The following ARPC1A variants were observed in gnomAD, a reference collection of about 807,000 sequenced individuals.
ARPC1A encodes the protein actin related protein 2/3 complex subunit 1A.
In ARPC1A, 8 loss-of-function variants were observed where a neutral mutation model predicts 46.9. That is an observed-to-expected ratio of 0.17 (90% CI 0.10 to 0.31). ARPC1A has a LOEUF of 0.31. Among genes scored for constraint, ARPC1A ranks in the 10% least tolerant of loss-of-function variants. The pLI is 1.00. For synonymous variants in ARPC1A, 152 were observed against 169.0 expected (o/e 0.90, Z 0.78); for missense variants, 286 against 483.6 (o/e 0.59, Z 3.83).
intron 2 of ARPC1A, among the ~76,000 whole-genome samples, chr7:99,334,084 A>G (rs977896151): frequency 1.2e-4 from 18 of 148,658 alleles, no homozygotes; most frequent in East Asian, 1.2e-3. Context: ...CACAAGGCTG[A>G]GCATGGAGGC....
chr7:99,363,657 A>C (rs746817850), intron 9 of ARPC1A, 24 bp downstream of exon 9: 2 of 1,525,364 alleles, frequency 1.3e-6, no homozygotes, highest in African/African-American at 2.8e-5. Flanking sequence ...AACAGAACAA[A>C]TTTTGTTTGT....
At chr7:99,332,543 T>A (rs1462382061) in intron 1 of ARPC1A, among the ~76,000 whole-genome samples, 4 of 152,186 alleles carry the variant, frequency 2.6e-5, no homozygotes, top group African/African-American at 9.7e-5. Context: ...CAGAATAAAT[T>A]CCACATTAGT....
intron 3 of ARPC1A, among the ~76,000 whole-genome samples, chr7:99,341,770 C>T (rs898857371): frequency 5.9e-5 from 9 of 152,070 alleles, no homozygotes; most frequent in Non-Finnish European, 7.4e-5. Context: ...GTCCTTTGAA[C>T]TTGGGCCTGT....
chr7:99,358,237 A>G, intron 6 of ARPC1A, 103 bp from the exon 7 acceptor site: 1 of 1,129,504 alleles, frequency 8.9e-7, no homozygotes. Flanking sequence ...GCCCATTGAT[A>G]CTGCAGAAGC....
At chr7:99,340,438 C>G (rs933194147) in intron 3 of ARPC1A, among the ~76,000 whole-genome samples, 1 of 147,486 alleles carries the variant, frequency 6.8e-6, no homozygotes, top group Admixed American at 7.1e-5. Context: ...GTTGAGATTA[C>G]AGGTGTGACC....
At chr7:99,331,731 C>T (rs1793147495) in intron 1 of ARPC1A, among the ~76,000 whole-genome samples, 1 of 152,016 alleles carries the variant, frequency 6.6e-6, no homozygotes, top group African/African-American at 2.4e-5. Flanking sequence ...CCAGCCTGGC[C>T]AACATGGTGA....
intron 9 of ARPC1A, 106 bp downstream of exon 9, chr7:99,363,739 A>G: frequency 3.8e-6 from 3 of 799,044 alleles, no homozygotes; most frequent in Non-Finnish European, 5.8e-6. Context: ...AAGTGGCACA[A>G]TCATGGCTCA....
At chr7:99,332,388 CATG>C (rs1373823609) in intron 1 of ARPC1A, among the ~76,000 whole-genome samples, 1 of 152,184 alleles carries the variant, frequency 6.6e-6, no homozygotes, top group African/African-American at 2.4e-5. Flanking sequence ...CTATTTATAA[CATG>C]GTGATTACGT....
At chr7:99,349,879 C>T (rs1793520605) in intron 5 of ARPC1A, among the ~76,000 whole-genome samples, 1 of 151,718 alleles carries the variant, frequency 6.6e-6, no homozygotes, top group African/African-American at 2.4e-5. Flanking sequence ...GGTGTGGTCA[C>T]AAATGCCTGT....
intron 7 of ARPC1A, chr7:99,358,813 G>T: frequency 6.0e-6 from 1 of 165,874 alleles, no homozygotes; most frequent in Non-Finnish European, 1.3e-5. Context: ...GTGCGGGCAT[G>T]AGCCACCGTG....
chr7:99,335,170 A>G (rs1023964994), intron 2 of ARPC1A, among the ~76,000 whole-genome samples: 1 of 151,950 alleles, frequency 6.6e-6, no homozygotes, highest in African/African-American at 2.4e-5. Context: ...TTGTATTTTC[A>G]GTAGAGACAG....
chr7:99,357,298 A>G (rs1562802446), intron 6 of ARPC1A, among the ~76,000 whole-genome samples: 2 of 152,118 alleles, frequency 1.3e-5, no homozygotes, highest in Non-Finnish European at 2.9e-5. Flanking sequence ...AAGATGACAC[A>G]TTAGTTCTTC....
chr7:99,360,802 A>G (rs1793724918), intron 8 of ARPC1A, among the ~76,000 whole-genome samples: 1 of 151,914 alleles, frequency 6.6e-6, no homozygotes, highest in Non-Finnish European at 1.5e-5. Flanking sequence ...TTAGCTTGGC[A>G]TGGTGGTACA....
chr7:99,346,493 G>A (rs1793454473), intron 4 of ARPC1A, among the ~76,000 whole-genome samples: 1 of 152,150 alleles, frequency 6.6e-6, no homozygotes, highest in African/African-American at 2.4e-5. Flanking sequence ...TTAGTGTCAA[G>A]TATAGGTAAA....
At chr7:99,339,086 A>G (rs1793315462) in intron 3 of ARPC1A, among the ~76,000 whole-genome samples, 1 of 152,168 alleles carries the variant, frequency 6.6e-6, no homozygotes, top group African/African-American at 2.4e-5. Context: ...CTTTTCCTGT[A>G]TCAGGAAACT....
intron 1 of ARPC1A, among the ~76,000 whole-genome samples, chr7:99,330,109 A>T (rs563663257): frequency 6.6e-6 from 1 of 152,152 alleles, no homozygotes; most frequent in Non-Finnish European, 1.5e-5. Flanking sequence ...TGCATTTAAA[A>T]TTTTTTTAAA....
chr7:99,329,144 C>A (rs1016728049), intron 1 of ARPC1A, among the ~76,000 whole-genome samples: 5 of 151,732 alleles, frequency 3.3e-5, no homozygotes, highest in Non-Finnish European at 1.5e-5. Context: ...ACTAAAAATA[C>A]AAAAAAATTG....
At chr7:99,358,311 C>T in intron 6 of ARPC1A, 29 bp from the exon 7 acceptor site, 1 of 1,606,766 alleles carries the variant, frequency 6.2e-7, no homozygotes, top group African/African-American at 1.3e-5. Flanking sequence ...TCTGTTGCAT[C>T]TTGGGATAAC....
rs762961218 is a variant in ARPC1A at position 99,344,276 on chromosome 7, C to A, written c.170-17C>A. The A allele has an allele frequency of 5.6e-6, 9 of 1,612,906 alleles. No homozygotes were observed. In the African/African-American group the frequency reaches 6.7e-5, roughly 12 times the overall value. On this transcript the variant is annotated splice_polypyrimidine_tract_variant and intron_variant, in intron 3 of 9. Transcript: ENST00000262942. Reference sequence around the variant, plus strand: ...TCATTGACTGGGCAAAGCAGATGACCCATGTCTCACTTGCAGGTATTGACT... The same window carrying A: ...TCATTGACTGGGCAAAGCAGATGACACATGTCTCACTTGCAGGTATTGACT...
Sources: gnomAD v4.1 joint callset for allele counts (sites outside exome capture counted in the v4.1 genomes callset) on GRCh38, gnomAD v4.1.1 for gene constraint, MANE v1.5 for transcripts, NCBI Gene and HGNC (gene_info 2026-07-23, HGNC 2026-07-21) for gene names.